STK32B: variants seen among roughly 807,000 people sequenced by gnomAD.
STK32B encodes the protein serine/threonine kinase 32B.
In STK32B, 43 loss-of-function variants were observed where a neutral mutation model predicts 52.6. The ratio of observed to expected loss-of-function variants is 0.82; its 90% CI spans 0.64 to 1.05. The LOEUF (loss-of-function observed/expected upper bound fraction) is 1.05, where lower values mean the gene tolerates loss of function less well. Ranked by LOEUF, STK32B falls within the 50% of genes least tolerant of loss-of-function variation. The pLI is 0.00. For missense variants in STK32B, 621 were observed against 534.6 expected (o/e 1.16, Z -1.59); for synonymous variants, 238 against 204.3 (o/e 1.17, Z -1.41).
intron 11 of STK32B, among the ~76,000 whole-genome samples, chr4:5,488,076 A>G (rs1324637360): frequency 6.6e-6 from 1 of 152,212 alleles, no homozygotes; most frequent in East Asian, 1.9e-4. Flanking sequence ...TTACAACCTG[A>G]TAACCCTATT....
At chr4:5,196,346 T>G (rs961616804) in intron 3 of STK32B, among the ~76,000 whole-genome samples, 3 of 148,896 alleles carry the variant, frequency 2.0e-5, no homozygotes, top group Admixed American at 1.3e-4. Context: ...TTTTTTTTTT[T>G]TTTTTTTTTT....
intron 1 of STK32B, among the ~76,000 whole-genome samples, chr4:5,120,740 C>G (rs1714979697): frequency 6.6e-6 from 1 of 151,982 alleles, no homozygotes. Context: ...AGCCTGATGA[C>G]CGATTGAAAA....
chr4:5,039,875 G>T, the STK32B span, among the ~76,000 whole-genome samples: 4 of 152,314 alleles, frequency 2.6e-5, no homozygotes, highest in African/African-American at 9.6e-5. Flanking sequence ...TGCTGCACAC[G>T]ACTGTTAAGT....
chr4:5,105,207 T>C (rs112474894), intron 1 of STK32B, among the ~76,000 whole-genome samples: 5,689 of 152,222 alleles, frequency 0.037, 255 homozygotes, highest in East Asian at 0.22. Context: ...CAGTGGCTCA[T>C]GCCTGTAATC....
At chr4:5,479,724 T>A (rs764498750) in intron 11 of STK32B, among the ~76,000 whole-genome samples, 3 of 152,194 alleles carry the variant, frequency 2.0e-5, no homozygotes, top group Non-Finnish European at 4.4e-5. Flanking sequence ...TGGAACTGAA[T>A]GACTTTTGCT....
intron 6 of STK32B, among the ~76,000 whole-genome samples, chr4:5,419,810 A>C (rs1712472961): frequency 6.6e-6 from 1 of 152,220 alleles, no homozygotes; most frequent in African/African-American, 2.4e-5. Flanking sequence ...GGGGAGATTC[A>C]AAATCTATAC....
chr4:5,406,071 T>G (rs1219186851), intron 5 of STK32B, among the ~76,000 whole-genome samples: 1 of 152,188 alleles, frequency 6.6e-6, no homozygotes, highest in East Asian at 1.9e-4. Flanking sequence ...ACAATGGGCA[T>G]TACAGGCATT....
the STK32B span, among the ~76,000 whole-genome samples, chr4:5,031,934 A>G: frequency 3.9e-5 from 6 of 152,168 alleles, no homozygotes; most frequent in Non-Finnish European, 7.3e-5. Context: ...AGCACTTAGA[A>G]AATTCCCCAA....
intron 2 of STK32B, among the ~76,000 whole-genome samples, chr4:5,165,963 C>T (rs1271372144): frequency 6.6e-6 from 1 of 152,160 alleles, no homozygotes; most frequent in Non-Finnish European, 1.5e-5. Flanking sequence ...TGGTTTCACC[C>T]CAGTGGTGCC....
intron 3 of STK32B, among the ~76,000 whole-genome samples, chr4:5,193,879 C>G (rs1414311144): frequency 1.3e-5 from 2 of 152,244 alleles, no homozygotes; most frequent in African/African-American, 4.8e-5. Flanking sequence ...CCACATCCTT[C>G]AGAGACATCT....
chr4:5,466,834 G>A lies in STK32B; in HGVS notation c.1041G>A (p.Leu347=), dbSNP rs996780466. 1.2e-6 allele frequency: 2 copies of A among 1,612,822 alleles called. No individual in the cohort carries two copies. The highest frequency in any genetic ancestry group is 3.3e-5 in the Admixed American group (2 of 59,828). ...SRDGTKDSCP[L]NGHLQHCLET... Reference sequence around the variant, plus strand: ...ATGGCACAAAGGACAGCTGCCCGCTGGTGAGTGCTTCGTGGGAGCCGTTCC... The same window carrying A: ...ATGGCACAAAGGACAGCTGCCCGCTAGTGAGTGCTTCGTGGGAGCCGTTCC... Residue 347 remains leucine (L), a splice_region_variant and synonymous_variant, in exon 10 of 12, where the codon CTG becomes CTA. Coordinates refer to ENST00000282908, the MANE Select transcript of STK32B (RefSeq NM_018401.3).
At chr4:5,102,675 G>A (rs1713873309) in intron 1 of STK32B, among the ~76,000 whole-genome samples, 1 of 151,456 alleles carries the variant, frequency 6.6e-6, no homozygotes, top group South Asian at 2.1e-4. Flanking sequence ...GAGATTATAG[G>A]CACACACCAC....
the STK32B span, among the ~76,000 whole-genome samples, chr4:5,033,937 T>G: frequency 1.1e-4 from 17 of 152,200 alleles, no homozygotes; most frequent in African/African-American, 4.1e-4. Flanking sequence ...GGCTGTGTAC[T>G]TCTCACAAAC....
rs139564574 is a variant in STK32B, at chr4:5,263,061, A to G, written c.261-68159A>G. 3.8e-3 allele frequency among the ~76,000 whole-genome samples: 556 copies of G among 144,894 alleles called. 3 individuals are homozygous for G. Among genetic ancestry groups the G allele is most frequent in the African/African-American group, 0.013 (527 of 39,508 alleles). ...ATACCTCTGTTTAGCATCTTATTTT[A>G]TTGAATTGGCTTGTAGAGCCCTCTT... On this transcript the variant is annotated intron_variant, in intron 3 of 11. Transcript: ENST00000282908.
At chr4:5,148,905 T>C (rs1321095489) in intron 2 of STK32B, among the ~76,000 whole-genome samples, 2 of 151,944 alleles carry the variant, frequency 1.3e-5, no homozygotes, top group East Asian at 3.9e-4. Flanking sequence ...AGATTTGTTG[T>C]TAGATGCATA....
intron 1 of STK32B, among the ~76,000 whole-genome samples, chr4:5,106,618 A>T (rs1714121724): frequency 6.6e-6 from 1 of 152,212 alleles, no homozygotes; most frequent in South Asian, 2.1e-4. Context: ...TGCCTGAAAT[A>T]TGCCATTTAT....
chr4:5,358,701 G>GCGCGCACA (rs151338728), intron 4 of STK32B, among the ~76,000 whole-genome samples: 16 of 106,736 alleles, frequency 1.5e-4, no homozygotes, highest in African/African-American at 4.9e-4. Context: ...TCACACACAT[G>GCGCGCACA]CACACACACA....
intron 3 of STK32B, among the ~76,000 whole-genome samples, chr4:5,308,675 G>A (rs187968927): frequency 6.6e-6 from 1 of 152,170 alleles, no homozygotes; most frequent in Non-Finnish European, 1.5e-5. Flanking sequence ...AATGTATCCA[G>A]AGCACCTAAA....
intron 3 of STK32B, among the ~76,000 whole-genome samples, chr4:5,186,110 C>G (rs1207829328): frequency 6.6e-6 from 1 of 152,192 alleles, no homozygotes; most frequent in East Asian, 1.9e-4. Context: ...GGCACTGTTC[C>G]AATTTCTAAG....
Sources: allele counts gnomAD v4.1 joint callset (sites outside exome capture counted in the v4.1 genomes callset), GRCh38; gene constraint gnomAD v4.1.1; transcripts MANE v1.5; gene names NCBI Gene and HGNC (gene_info 2026-07-23, HGNC 2026-07-21).